DOCK3: variants seen among roughly 807,000 people sequenced by gnomAD.
The protein encoded by DOCK3 is dedicator of cytokinesis protein 3.
In DOCK3, 60 loss-of-function variants were observed where a neutral mutation model predicts 265.6. The ratio of observed to expected loss-of-function variants is 0.23; its 90% CI spans 0.18 to 0.28. The LOEUF is 0.28. Ranked by LOEUF, DOCK3 falls within the 10% of genes least tolerant of loss-of-function variation. The pLI, the probability that DOCK3 is intolerant of heterozygous loss-of-function variation, is 1.00. For missense variants in DOCK3, 1,981 were observed against 2,594.3 expected (o/e 0.76, Z 5.14); for synonymous variants, 881 against 938.0 (o/e 0.94, Z 1.11).
intron 5 of DOCK3, among the ~76,000 whole-genome samples, chr3:50,972,257 A>C (rs553872952): frequency 6.6e-6 from 1 of 152,172 alleles, no homozygotes; most frequent in Non-Finnish European, 1.5e-5. Flanking sequence ...GCTGCCCCCT[A>C]ATCGCCCTAG....
intron 5 of DOCK3, among the ~76,000 whole-genome samples, chr3:50,992,065 C>T (rs2078126478): frequency 6.6e-6 from 1 of 152,182 alleles, no homozygotes; most frequent in South Asian, 2.1e-4. Context: ...ATACAACATA[C>T]CAGAATCTCT....
intron 2 of DOCK3, among the ~76,000 whole-genome samples, chr3:50,803,862 G>A (rs1301058272): frequency 7.3e-5 from 11 of 150,664 alleles, no homozygotes; most frequent in South Asian, 2.1e-4. Context: ...CATCCTGGAC[G>A]GGGCGGCTGG....
chr3:50,781,123 A>C (rs2041888378), intron 2 of DOCK3, among the ~76,000 whole-genome samples: 1 of 151,920 alleles, frequency 6.6e-6, no homozygotes, highest in Non-Finnish European at 1.5e-5. Flanking sequence ...GGAAGTGCTG[A>C]TGTCTCTTCA....
At chr3:51,263,039 G>T (rs1429423996) in intron 23 of DOCK3, among the ~76,000 whole-genome samples, 1 of 152,140 alleles carries the variant, frequency 6.6e-6, no homozygotes, top group Non-Finnish European at 1.5e-5. Flanking sequence ...AGCAAGACAG[G>T]CCAACATTCA....
chr3:51,109,490 G>T lies in DOCK3; in HGVS notation c.746+19106G>T, dbSNP rs146474826. 7.3e-3 allele frequency among the ~76,000 whole-genome samples: 1,114 copies of T among 152,180 alleles called. 7 individuals carry two copies. The highest frequency in any genetic ancestry group is 0.01 in the African/African-American group (431 of 41,524). ...AAAGCAAGAGCAAACCAACCTCAAA[G>T]CTAGCAGAAGATAACCAATACCAAA... On this transcript the variant is annotated intron_variant, in intron 9 of 52. Transcript: ENST00000266037.
intron 1 of DOCK3, among the ~76,000 whole-genome samples, chr3:50,778,388 G>C (rs1040084442): frequency 5.9e-5 from 9 of 152,052 alleles, no homozygotes; most frequent in Admixed American, 5.9e-4. Context: ...TTGAACACAG[G>C]ATATCCAAGG....
chr3:50,940,373 T>A (rs1359243776), intron 5 of DOCK3, among the ~76,000 whole-genome samples: 1 of 151,330 alleles, frequency 6.6e-6, no homozygotes, highest in African/African-American at 2.4e-5. Flanking sequence ...ATCTGTATAT[T>A]GAAAACTGCA....
intron 2 of DOCK3, among the ~76,000 whole-genome samples, chr3:50,807,716 A>T (rs940563809): frequency 1.3e-5 from 2 of 152,162 alleles, no homozygotes; most frequent in Admixed American, 6.5e-5. Context: ...ATTGAGAATA[A>T]CTAAGGGAAT....
chr3:50,946,158 C>T (rs2076421918), intron 5 of DOCK3, among the ~76,000 whole-genome samples: 1 of 143,190 alleles, frequency 7.0e-6, no homozygotes, highest in South Asian at 2.3e-4. Flanking sequence ...TGATTAAATG[C>T]TTACTCATAT....
At chr3:50,935,787 TA>T (rs1197145371) in intron 5 of DOCK3, among the ~76,000 whole-genome samples, 5 of 152,200 alleles carry the variant, frequency 3.3e-5, no homozygotes, top group African/African-American at 1.2e-4. Context: ...GAGATTTTTG[TA>T]ACTGGATTGA....
At chr3:50,843,102 A>G (rs2045918728) in intron 3 of DOCK3, among the ~76,000 whole-genome samples, 1 of 152,220 alleles carries the variant, frequency 6.6e-6, no homozygotes, top group African/African-American at 2.4e-5. Context: ...TACCCTTAAA[A>G]TATTAAACAT....
chr3:51,166,905 T>C (rs1241210932), intron 12 of DOCK3, among the ~76,000 whole-genome samples: 2 of 152,224 alleles, frequency 1.3e-5, no homozygotes, highest in African/African-American at 2.4e-5. Context: ...TTCTTCTCAT[T>C]CCATAGATTG....
chr3:51,114,080 G>A (rs1301845974), intron 9 of DOCK3, among the ~76,000 whole-genome samples: 3 of 149,042 alleles, frequency 2.0e-5, no homozygotes, highest in Non-Finnish European at 4.4e-5. Flanking sequence ...CTGCGTTCAA[G>A]TCTGGGCAAC....
intron 1 of DOCK3, among the ~76,000 whole-genome samples, chr3:50,768,170 G>A (rs1372197353): frequency 6.6e-6 from 1 of 152,148 alleles, no homozygotes; most frequent in African/African-American, 2.4e-5. Flanking sequence ...GGAGTGGTGA[G>A]AGAGGGCATC....
intron 2 of DOCK3, among the ~76,000 whole-genome samples, chr3:50,838,078 C>T (rs2045615292): frequency 6.6e-6 from 1 of 152,134 alleles, no homozygotes; most frequent in Non-Finnish European, 1.5e-5. Context: ...CAAACCATTT[C>T]CAATAATTCT....
chr3:50,785,070 T>C (rs938180955), intron 2 of DOCK3, among the ~76,000 whole-genome samples: 1 of 152,140 alleles, frequency 6.6e-6, no homozygotes, highest in Admixed American at 6.5e-5. Context: ...GCCAGGAGAA[T>C]TGCTTGAACC....
At chr3:51,232,957 C>G (rs2078188900) in intron 19 of DOCK3, among the ~76,000 whole-genome samples, 1 of 152,058 alleles carries the variant, frequency 6.6e-6, no homozygotes, top group Admixed American at 6.6e-5. Context: ...TATTTTGAGG[C>G]TCTCTGTTGT....
Position 51,159,343 on chromosome 3 carries a change from C to G in DOCK3, c.889+39C>G, listed in dbSNP as rs534975527. 11 of 1,583,142 alleles carry G rather than the reference C, an allele frequency of 6.9e-6. No individual in the cohort carries two copies. In the South Asian group the frequency reaches 1.2e-4, roughly 18 times the overall value. ...TACCCATTCACATGACTAAGAATGG[C>G]CCAACTTGGGATAAGTATGTCTTGT... is the stretch of plus-strand genomic sequence containing the variant. On this transcript the variant is annotated intron_variant, in intron 11 of 52. Coordinates refer to ENST00000266037, the MANE Select transcript of DOCK3 (RefSeq NM_004947.5).
At chr3:51,022,901 G>T (rs1243977707) in intron 5 of DOCK3, among the ~76,000 whole-genome samples, 7 of 152,122 alleles carry the variant, frequency 4.6e-5, no homozygotes, top group African/African-American at 1.7e-4. Flanking sequence ...TCTGCATATG[G>T]TTAGTCAGTT....
Sources: gnomAD v4.1 joint callset for allele counts (sites outside exome capture counted in the v4.1 genomes callset) on GRCh38, gnomAD v4.1.1 for gene constraint, MANE v1.5 for transcripts, NCBI Gene and HGNC (gene_info 2026-07-23, HGNC 2026-07-21) for gene names.